The following IL1RAPL2 variants were observed in gnomAD, a reference collection of about 807,000 sequenced individuals.
The protein encoded by IL1RAPL2 is interleukin 1 receptor accessory protein like 2.
In IL1RAPL2, 3 loss-of-function variants were observed where a neutral mutation model predicts 44.1. The observed-to-expected ratio is 0.07, with a 90% CI of 0.03 to 0.18. IL1RAPL2 has a LOEUF of 0.18. IL1RAPL2 is among the 10% of genes least tolerant of loss of function. The pLI is 1.00. For synonymous variants in IL1RAPL2, 181 were observed against 178.8 expected (o/e 1.01, Z -0.10); for missense variants, 391 against 496.4 (o/e 0.79, Z 2.02).
intron 2 of IL1RAPL2, among the ~76,000 whole-genome samples, chrX:105,103,930 A>G (rs1377635547): frequency 1.8e-5 from 2 of 112,231 alleles, no homozygotes; most frequent in Non-Finnish European, 3.8e-5. Context: ...TGTATAAGGC[A>G]GTTTTCAAAC....
At chrX:105,223,411 G>C (rs1291197651) in intron 3 of IL1RAPL2, among the ~76,000 whole-genome samples, 1 of 111,332 alleles carries the variant, frequency 9.0e-6, no homozygotes, top group Non-Finnish European at 1.9e-5. Context: ...TGATTTTATA[G>C]TTGTCCCCCT....
chrX:105,178,091 C>A (rs537792366), intron 2 of IL1RAPL2, among the ~76,000 whole-genome samples: 1 of 111,695 alleles, frequency 9.0e-6, no homozygotes, highest in South Asian at 3.8e-4. Flanking sequence ...TTCTATCTAA[C>A]CATATGTTTA....
At chrX:105,680,850 A>G (rs949324361) in intron 6 of IL1RAPL2, among the ~76,000 whole-genome samples, 1 of 112,228 alleles carries the variant, frequency 8.9e-6, no homozygotes, top group African/African-American at 3.2e-5. Flanking sequence ...GACAAGCATG[A>G]CAAATTTATT....
chrX:105,304,003 A>T (rs2034715912), intron 5 of IL1RAPL2, among the ~76,000 whole-genome samples: 2 of 112,890 alleles, frequency 1.8e-5, no homozygotes, highest in Admixed American at 1.9e-4. Flanking sequence ...CCCTGCCAGC[A>T]AGTGAGGCTC....
chrX:104,607,387 G>A (rs866291768), intron 1 of IL1RAPL2, among the ~76,000 whole-genome samples: 9 of 111,714 alleles, frequency 8.1e-5, no homozygotes, highest in African/African-American at 2.3e-4. Context: ...AAATTGACGT[G>A]GGATCTGATT....
chrX:104,846,388 T>G (rs748825301), intron 2 of IL1RAPL2, among the ~76,000 whole-genome samples: 11 of 108,814 alleles, frequency 1.0e-4, no homozygotes, highest in Admixed American at 2.0e-4. Context: ...GATGTTCCCC[T>G]TCCTGTGTCC....
intron 2 of IL1RAPL2, among the ~76,000 whole-genome samples, chrX:105,084,207 A>G (rs377223302): frequency 4.4e-5 from 5 of 112,729 alleles, no homozygotes; most frequent in South Asian, 3.6e-4. Flanking sequence ...AGAGTCCCCA[A>G]TGGGGCACTG....
At chrX:105,750,104 G>A (rs768896268) in intron 9 of IL1RAPL2, among the ~76,000 whole-genome samples, 2 of 110,761 alleles carry the variant, frequency 1.8e-5, no homozygotes, top group Non-Finnish European at 3.8e-5. Context: ...TATAGTGATA[G>A]ATGTAATGTC....
At chrX:105,412,293 T>C (rs939362947) in intron 5 of IL1RAPL2, among the ~76,000 whole-genome samples, 1 of 83,517 alleles carries the variant, frequency 1.2e-5, no homozygotes, top group African/African-American at 3.6e-5. Context: ...AGATGAGTGA[T>C]AAGAAAAATG....
chrX:104,899,597 T>A (rs1414382287), intron 2 of IL1RAPL2, among the ~76,000 whole-genome samples: 1 of 111,737 alleles, frequency 8.9e-6, no homozygotes, highest in African/African-American at 3.3e-5. Flanking sequence ...ATGCCACACA[T>A]AATTGTGTGC....
chrX:105,259,506 T>C (rs1417182871), intron 4 of IL1RAPL2, among the ~76,000 whole-genome samples: 1 of 111,493 alleles, frequency 9.0e-6, no homozygotes, highest in African/African-American at 3.3e-5. Flanking sequence ...GATCATTTGC[T>C]TGTCTCCTGG....
intron 5 of IL1RAPL2, among the ~76,000 whole-genome samples, chrX:105,429,731 AC>A (rs2147750141): frequency 8.9e-6 from 1 of 111,947 alleles, no homozygotes; most frequent in Non-Finnish European, 1.9e-5. Context: ...TAGCATGAAA[AC>A]AACAATAGAC....
At chrX:105,158,002 C>A (rs751172909) in intron 2 of IL1RAPL2, among the ~76,000 whole-genome samples, 1 of 111,970 alleles carries the variant, frequency 8.9e-6, no homozygotes, top group South Asian at 3.7e-4. Flanking sequence ...GGAGGAAAAG[C>A]TTCATCTACA....
At chrX:105,712,317 C>T (rs1364252797) in intron 6 of IL1RAPL2, among the ~76,000 whole-genome samples, 1 of 111,757 alleles carries the variant, frequency 8.9e-6, no homozygotes, top group Admixed American at 9.5e-5. Context: ...CCTCTTGAGC[C>T]ATGGCTGGGT....
rs1355067251 is a variant in IL1RAPL2 at position 105,588,133 on chromosome X, AATTT to A, written c.772+103751_772+103754del. On this transcript the variant is annotated intron_variant, in intron 6 of 10. Transcript: ENST00000372582. ...TTATATCTTATTTATTATTCTAATTAATTTATTTCTTCATTATTATTTTAATGTT... is the reference window on the plus strand; with the variant it reads ...TTATATCTTATTTATTATTCTAATTAATTTCTTCATTATTATTTTAATGTT... 9.0e-5 allele frequency among the ~76,000 whole-genome samples: 10 copies of A among 111,212 alleles called. No homozygotes were observed. The South Asian group carries it at 3.7e-3, about 41-fold the overall frequency.
intron 6 of IL1RAPL2, among the ~76,000 whole-genome samples, chrX:105,638,976 C>T (rs376622630): frequency 2.7e-5 from 3 of 112,111 alleles, no homozygotes; most frequent in East Asian, 5.6e-4. Flanking sequence ...GGTATTTCAT[C>T]TCTAAATCTT....
chrX:105,268,381 G>A (rs1009932638), intron 5 of IL1RAPL2, among the ~76,000 whole-genome samples: 18 of 111,522 alleles, frequency 1.6e-4, no homozygotes, highest in African/African-American at 2.6e-4. Context: ...TGGGGAATAA[G>A]GAGTGTAGGT....
At chrX:105,133,058 C>T (rs533089488) in intron 2 of IL1RAPL2, among the ~76,000 whole-genome samples, 39 of 111,887 alleles carry the variant, frequency 3.5e-4, no homozygotes, top group African/African-American at 1.3e-3. Flanking sequence ...GAATCACCAC[C>T]GTTGTTTCTT....
chrX:104,767,763 G>C (rs1294843747), intron 2 of IL1RAPL2, among the ~76,000 whole-genome samples: 1 of 111,812 alleles, frequency 8.9e-6, no homozygotes, highest in Admixed American at 9.5e-5. Context: ...CCTGCTCACA[G>C]GTGTGAACGC....
Sources: allele counts gnomAD v4.1 joint callset (sites outside exome capture counted in the v4.1 genomes callset), GRCh38; gene constraint gnomAD v4.1.1; transcripts MANE v1.5; gene names NCBI Gene and HGNC (gene_info 2026-07-23, HGNC 2026-07-21).